The following GNB1L variants were observed in gnomAD, a reference collection of about 807,000 sequenced individuals.
GNB1L encodes G protein subunit beta 1 like, also known as guanine nucleotide-binding protein subunit beta-like protein 1.
GNB1L carries 20 observed loss-of-function variants against 29.1 expected under a neutral mutation model. The observed-to-expected ratio is 0.69, with a 90% CI of 0.48 to 1.00. GNB1L has a LOEUF of 1.00. GNB1L is among the 50% of genes least tolerant of loss of function. GNB1L has a pLI of 0.00. For synonymous variants in GNB1L, 193 were observed against 206.5 expected (o/e 0.93, Z 0.56); for missense variants, 421 against 464.9 (o/e 0.91, Z 0.87).
intron 2 of GNB1L, chr22:19,851,817 G>A (rs374166721): frequency 2.6e-5 from 42 of 1,613,906 alleles, no homozygotes; most frequent in Middle Eastern, 1.6e-4. Context: ...GCCTGGGCTC[G>A]GCCTGTTAGG....
At chr22:19,849,462 G>C (rs1938044526) in intron 2 of GNB1L, 2 of 315,254 alleles carry the variant, frequency 6.3e-6, no homozygotes, top group Admixed American at 6.5e-5. Flanking sequence ...TCTGCCTCCT[G>C]GGTTCAAGCA....
rs767990864 is a variant in GNB1L at position 19,812,396 on chromosome 22, G to A, written c.306C>T (p.Ser102=). Residue 102 remains serine (S), a synonymous_variant, in exon 5 of 8, where the codon AGC becomes AGT. Transcript: ENST00000329517. ...LCLWDLAEGR[S]AVVDSVCLES... is the part of the protein sequence containing the mutation. ...CCAAGCACACGGAGTCCACGACAGC[G>A]CTCCTGCCCTCCGCGAGGTCCCACA... 108 of 1,613,186 alleles carry A rather than the reference G, an allele frequency of 6.7e-5. No individual in the cohort carries two copies. The highest frequency in any genetic ancestry group is 1.6e-4 in the Middle Eastern group (1 of 6,082).
chr22:19,822,559 G>A (rs1297077318), intron 2 of GNB1L, among the ~76,000 whole-genome samples: 3 of 152,092 alleles, frequency 2.0e-5, no homozygotes, highest in Non-Finnish European at 2.9e-5. Flanking sequence ...GAAAGGCCAG[G>A]AGCAGACCAC....
At position 19,788,704 on chromosome 22, in the gene GNB1L, G is replaced by T. The variant is rs765320708; in HGVS notation, c.*5C>A. The T allele has an allele frequency of 2.5e-6, 4 of 1,611,378 alleles. No homozygotes were observed. Among genetic ancestry groups the T allele is most frequent in the Non-Finnish European group, 3.4e-6 (4 of 1,178,946 alleles). The stretch of plus-strand genomic sequence containing the variant: ...TCCTCGTCTCCCGGGAAGGGAGTGG[G>T]TGAGTCATGCGCGTGGGTAGAGTGA... On this transcript the variant is annotated 3_prime_UTR_variant, in exon 8 of 8. Transcript: ENST00000329517.
In GNB1L at chr22:19,788,614, G is replaced by A. The variant is rs1440562832; in HGVS notation, c.*95C>T. ...ATGGTCCTTGGGCCATGACTTGCTG[G>A]TCCTCAGAGGCCCTTGAGGTTTCAG... On this transcript the variant is annotated 3_prime_UTR_variant, in exon 8 of 8. Transcript: ENST00000329517. The A allele has an allele frequency of 6.8e-7, 1 of 1,461,544 alleles. No homozygotes were observed. The highest frequency in any genetic ancestry group is 1.4e-5 in the African/African-American group (1 of 72,014). 90.5% of individuals were successfully genotyped at this position (1,461,544 alleles called of 1,614,324 possible).
At position 19,847,193 on chromosome 22, in the gene GNB1L, G is replaced by A. The variant is rs370512256; in HGVS notation, c.-21+7250C>T. On this transcript the variant is annotated intron_variant, in intron 2 of 7. Coordinates refer to ENST00000329517, the MANE Select transcript of GNB1L (RefSeq NM_053004.3). ...GAGAAATATGTCCAGGTAGGCTGTC[G>A]TCAGCACAGGTCTGACAGGCCCCAG... 2.8e-4 allele frequency: 273 copies of A among 985,398 alleles called. No homozygotes were observed. The African/African-American group carries it at 3.5e-3, about 13-fold the overall frequency. The allele number at this position is 985,398 out of a possible 1,614,324, so 61.0% of individuals were successfully genotyped here. A position where few individuals can be genotyped will look rare whatever the true frequency, so the allele number is the denominator to read the frequency against.
intron 2 of GNB1L, among the ~76,000 whole-genome samples, chr22:19,854,232 C>T (rs777582765): frequency 6.6e-6 from 1 of 152,208 alleles, no homozygotes; most frequent in South Asian, 2.1e-4. Context: ...GGTACCACGG[C>T]GCATGTGTGT....
chr22:19,823,892 C>T (rs1337805584), intron 2 of GNB1L, among the ~76,000 whole-genome samples: 2 of 152,198 alleles, frequency 1.3e-5, no homozygotes, highest in African/African-American at 4.8e-5. Flanking sequence ...CAGGCACTCA[C>T]GTATGTGCAC....
intron 7 of GNB1L, among the ~76,000 whole-genome samples, chr22:19,797,366 G>A (rs1937318838): frequency 6.6e-6 from 1 of 152,178 alleles, no homozygotes; most frequent in Non-Finnish European, 1.5e-5. Flanking sequence ...GGTGCAGGCG[G>A]TGATTTCAAG....
chr22:19,802,332 G>C lies in GNB1L; in HGVS notation c.517-116C>G. ...CCTGCTGGCTGGGGCTGTTTCCCATGTCTTCCACGTGGCTGCCACAGCTCA... is the reference window on the plus strand; with the variant it reads ...CCTGCTGGCTGGGGCTGTTTCCCATCTCTTCCACGTGGCTGCCACAGCTCA... On this transcript the variant is annotated intron_variant, in intron 6 of 7. Coordinates refer to ENST00000329517, the MANE Select transcript of GNB1L (RefSeq NM_053004.3). 6.4e-6 allele frequency: 5 copies of C among 777,030 alleles called. 1 individual carries two copies. The South Asian group carries it at 8.5e-5, about 13-fold the overall frequency. The allele number at this position is 777,030 out of a possible 1,614,324, so 48.1% of individuals were successfully genotyped here.
At chr22:19,824,896 G>C (rs1238720655) in intron 2 of GNB1L, among the ~76,000 whole-genome samples, 1 of 152,240 alleles carries the variant, frequency 6.6e-6, no homozygotes, top group Non-Finnish European at 1.5e-5. Flanking sequence ...GCTCCTGGGG[G>C]TTCATGCCAG....
At chr22:19,847,415 C>T in intron 2 of GNB1L, 1 of 985,452 alleles carries the variant, frequency 1.0e-6, no homozygotes, top group Non-Finnish European at 1.2e-6. Flanking sequence ...CAGTGACACC[C>T]ATGAGGTGGG....
At chr22:19,810,168 C>G (rs1488345248) in intron 5 of GNB1L, among the ~76,000 whole-genome samples, 1 of 152,186 alleles carries the variant, frequency 6.6e-6, no homozygotes, top group Non-Finnish European at 1.5e-5. Flanking sequence ...AAGCCAGGGG[C>G]AGGAGGAGCC....
chr22:19,797,906 G>T (rs572955720), intron 7 of GNB1L, among the ~76,000 whole-genome samples: 1 of 151,872 alleles, frequency 6.6e-6, no homozygotes, highest in African/African-American at 2.4e-5. Context: ...CATCCCAGAC[G>T]CTCTGCCTGT....
chr22:19,833,944 A>T (rs1937723206), intron 2 of GNB1L, among the ~76,000 whole-genome samples: 1 of 151,286 alleles, frequency 6.6e-6, no homozygotes, highest in South Asian at 2.1e-4. Context: ...GAAATTATTC[A>T]ATATAAGATC....
intron 2 of GNB1L, chr22:19,848,886 G>A (rs914608330): frequency 3.0e-6 from 3 of 985,400 alleles, no homozygotes; most frequent in Non-Finnish European, 3.6e-6. Flanking sequence ...GAAGCCTGTG[G>A]GACAGGGTAA....
intron 2 of GNB1L, chr22:19,850,159 T>C (rs1210650485): frequency 1.0e-6 from 1 of 985,326 alleles, no homozygotes; most frequent in Non-Finnish European, 1.2e-6. Flanking sequence ...TGACCTGGAA[T>C]GCTCATGGCC....
At chr22:19,813,142 T>C (rs1937513112) in intron 4 of GNB1L, among the ~76,000 whole-genome samples, 1 of 152,178 alleles carries the variant, frequency 6.6e-6, no homozygotes, top group African/African-American at 2.4e-5. Flanking sequence ...TTTGGGCAGA[T>C]GCACAGACAG....
chr22:19,829,690 G>A (rs1937653113), intron 2 of GNB1L, among the ~76,000 whole-genome samples: 1 of 152,024 alleles, frequency 6.6e-6, no homozygotes, highest in Non-Finnish European at 1.5e-5. Flanking sequence ...GTTCAAATAG[G>A]GAATTTATGA....
Sources: gnomAD v4.1 joint callset for allele counts (sites outside exome capture counted in the v4.1 genomes callset) on GRCh38, gnomAD v4.1.1 for gene constraint, MANE v1.5 for transcripts, NCBI Gene and HGNC (gene_info 2026-07-23, HGNC 2026-07-21) for gene names.